The following ZFPM2 variants were observed in gnomAD, a reference collection of about 807,000 sequenced individuals.
ZFPM2 encodes the protein zinc finger protein, FOG family member 2.
A neutral mutation model predicts 98.6 loss-of-function variants in ZFPM2; 20 were observed. The ratio of observed to expected loss-of-function variants is 0.20; its 90% CI spans 0.14 to 0.29. The LOEUF is 0.29. ZFPM2 is among the 10% of genes least tolerant of loss of function. The pLI is 1.00. For missense variants in ZFPM2, 1,310 were observed against 1,388.6 expected (o/e 0.94, Z 0.90); for synonymous variants, 518 against 502.7 (o/e 1.03, Z -0.41).
chr8:105,719,127 T>C (rs1236039854), intron 5 of ZFPM2, among the ~76,000 whole-genome samples: 1 of 151,950 alleles, frequency 6.6e-6, no homozygotes, highest in African/African-American at 2.4e-5. Context: ...TTTTTCATTG[T>C]GAAACATTCT....
intron 3 of ZFPM2, among the ~76,000 whole-genome samples, chr8:105,508,728 G>T (rs1440103531): frequency 1.3e-5 from 2 of 151,160 alleles, no homozygotes; most frequent in African/African-American, 4.9e-5. Context: ...TTTCATGCTT[G>T]ATTTACTTTA....
At chr8:105,730,797 T>C (rs1586225559) in intron 5 of ZFPM2, among the ~76,000 whole-genome samples, 1 of 146,026 alleles carries the variant, frequency 6.8e-6, no homozygotes, top group Admixed American at 6.8e-5. Context: ...TTTTTTTTTT[T>C]ACTGGCTACA....
chr8:105,351,814 T>C (rs1812652043), intron 1 of ZFPM2, among the ~76,000 whole-genome samples: 1 of 152,160 alleles, frequency 6.6e-6, no homozygotes, highest in Non-Finnish European at 1.5e-5. Context: ...TGGGAGGTCA[T>C]TTTTCCCTTT....
rs534034653 is a variant in ZFPM2 at position 105,771,018 on chromosome 8, A to G, written c.533-17700A>G. On this transcript the variant is annotated intron_variant, in intron 5 of 7. Coordinates refer to ENST00000407775, the MANE Select transcript of ZFPM2 (RefSeq NM_012082.4). The stretch of plus-strand genomic sequence containing the variant: ...GGATGCAGATGCTCAGGTGTGAAGT[A>G]TATTTTTGGCCTGGGCCCTGAGTGT... Among the ~76,000 whole-genome samples the G allele has an allele frequency of 3.9e-4, 59 of 152,270 alleles. No individual in the cohort carries two copies. In the South Asian group the frequency reaches 0.012, roughly 31 times the overall value.
At position 105,322,845 on chromosome 8, in the gene ZFPM2, T is replaced by C. The variant is rs117403151; in HGVS notation, c.40+3864T>C. 6.9e-4 allele frequency among the ~76,000 whole-genome samples: 105 copies of C among 152,254 alleles called. 2 individuals carry two copies. In the East Asian group the frequency reaches 0.016, roughly 23 times the overall value. On this transcript the variant is annotated intron_variant, in intron 1 of 7. Transcript: ENST00000407775. ...TCCCAGAAGTTGGAATCCATTCATATTGAATAATTACCATTTTGTTATTTG... is the reference window on the plus strand; with the variant it reads ...TCCCAGAAGTTGGAATCCATTCATACTGAATAATTACCATTTTGTTATTTG...
At chr8:105,628,565 T>TA (rs1248130883) in intron 4 of ZFPM2, among the ~76,000 whole-genome samples, 1 of 152,116 alleles carries the variant, frequency 6.6e-6, no homozygotes, top group Non-Finnish European at 1.5e-5. Context: ...CATATGCCTA[T>TA]AAAAACCCCA....
intron 2 of ZFPM2, among the ~76,000 whole-genome samples, chr8:105,440,101 A>G (rs1231421456): frequency 1.1e-4 from 17 of 152,208 alleles, no homozygotes; most frequent in Admixed American, 1.1e-3. Context: ...TATATCAGTG[A>G]GAATGTCTCA....
chr8:105,603,506 T>C (rs1816136333), intron 4 of ZFPM2, among the ~76,000 whole-genome samples: 1 of 152,150 alleles, frequency 6.6e-6, no homozygotes, highest in South Asian at 2.1e-4. Flanking sequence ...AATTGTTAAA[T>C]GTTTTATTTG....
At chr8:105,743,871 C>T (rs1160594366) in intron 5 of ZFPM2, among the ~76,000 whole-genome samples, 2 of 152,032 alleles carry the variant, frequency 1.3e-5, no homozygotes, top group Non-Finnish European at 2.9e-5. Context: ...CTAGGTGTCA[C>T]GTGTTCATAG....
chr8:105,795,848 C>T (rs761135423), intron 6 of ZFPM2: 6 of 467,676 alleles, frequency 1.3e-5, no homozygotes, highest in African/African-American at 3.9e-5. Flanking sequence ...TATGAAAACA[C>T]ATGAGTAGCA....
chr8:105,318,866 G>GGCGGCGGGAGCGGCGGCGGGA lies in ZFPM2; in HGVS notation c.-65_-64insGGCGGCGGGAGCGGCGGGAGC, dbSNP rs71305140. On this transcript the variant is annotated 5_prime_UTR_variant, in exon 1 of 8. Transcript: ENST00000407775. ...GGCCAGCGGCGGCGGCGGCGGCGGCGGCGGCGGGAGCCGAGGGAGCGGCAG... is the reference window on the plus strand; with the variant it reads ...GGCCAGCGGCGGCGGCGGCGGCGGCGGCGGCGGGAGCGGCGGCGGGAGCGGCGGGAGCCGAGGGAGCGGCAG... The GGCGGCGGGAGCGGCGGCGGGA allele has an allele frequency of 7.3e-6, 6 of 820,170 alleles. No homozygotes were observed. The highest frequency in any genetic ancestry group is 6.3e-5 in the Admixed American group (1 of 15,758). 50.8% of individuals were successfully genotyped at this position (820,170 alleles called of 1,614,324 possible).
intron 3 of ZFPM2, among the ~76,000 whole-genome samples, chr8:105,536,948 A>G (rs1814465712): frequency 6.6e-6 from 1 of 152,176 alleles, no homozygotes; most frequent in South Asian, 2.1e-4. Flanking sequence ...TATATTTCCT[A>G]GGATAAAACA....
chr8:105,609,964 C>G (rs1816274141), intron 4 of ZFPM2, among the ~76,000 whole-genome samples: 3 of 152,152 alleles, frequency 2.0e-5, no homozygotes, highest in Admixed American at 1.3e-4. Flanking sequence ...GCAGCCACCC[C>G]ACTCAGCAGT....
intron 5 of ZFPM2, among the ~76,000 whole-genome samples, chr8:105,768,565 T>G (rs1210300628): frequency 6.6e-6 from 1 of 151,962 alleles, no homozygotes; most frequent in African/African-American, 2.4e-5. Context: ...CTTGTTAGAC[T>G]GCTGACTTGA....
At chr8:105,359,359 TTTTC>T (rs1426500327) in intron 1 of ZFPM2, among the ~76,000 whole-genome samples, 2 of 131,508 alleles carry the variant, frequency 1.5e-5, no homozygotes, top group African/African-American at 5.0e-5. Context: ...TTCTTTTTCT[TTTTC>T]TTTCTTTTTT....
intron 5 of ZFPM2, among the ~76,000 whole-genome samples, chr8:105,758,746 A>G (rs1812666840): frequency 1.3e-5 from 2 of 152,068 alleles, no homozygotes. Flanking sequence ...ACCAAATATA[A>G]GAGTGTTATA....
At chr8:105,632,247 G>A (rs1356726024) in intron 4 of ZFPM2, among the ~76,000 whole-genome samples, 1 of 152,116 alleles carries the variant, frequency 6.6e-6, no homozygotes, top group African/African-American at 2.4e-5. Context: ...TTGGCTCACT[G>A]CAACCTCCAC....
intron 4 of ZFPM2, among the ~76,000 whole-genome samples, chr8:105,633,045 T>G (rs1401624732): frequency 6.6e-6 from 1 of 152,234 alleles, no homozygotes; most frequent in African/African-American, 2.4e-5. Flanking sequence ...CAGTACGGCT[T>G]TGCAGTTAAC....
intron 3 of ZFPM2, among the ~76,000 whole-genome samples, chr8:105,489,913 C>T (rs1316570380): frequency 6.6e-6 from 1 of 152,118 alleles, no homozygotes; most frequent in Non-Finnish European, 1.5e-5. Context: ...CTAATTACCT[C>T]ATATGATTTC....
Sources: gnomAD v4.1 joint callset for allele counts (sites outside exome capture counted in the v4.1 genomes callset) on GRCh38, gnomAD v4.1.1 for gene constraint, MANE v1.5 for transcripts, NCBI Gene and HGNC (gene_info 2026-07-23, HGNC 2026-07-21) for gene names.